Variants in RPS6KA5 observed in about 807,000 individuals in gnomAD.
RPS6KA5 encodes ribosomal protein S6 kinase alpha-5.
Under a neutral mutation model 85.5 loss-of-function variants are expected in RPS6KA5, and 27 were observed. That is an observed-to-expected ratio of 0.32 (90% CI 0.23 to 0.44). The LOEUF (loss-of-function observed/expected upper bound fraction) is 0.44. Ranked by LOEUF, RPS6KA5 falls within the 20% of genes least tolerant of loss-of-function variation. The pLI is 1.00. For missense variants in RPS6KA5, 811 were observed against 980.9 expected (o/e 0.83, Z 2.31); for synonymous variants, 334 against 348.2 (o/e 0.96, Z 0.46).
chr14:90,943,029 T>C (rs1322890997), intron 5 of RPS6KA5, 49 bp downstream of exon 5: 1 of 1,067,506 alleles, frequency 9.4e-7, no homozygotes, highest in Non-Finnish European at 1.5e-6. Context: ...TAAGTTTTCA[T>C]CCTTGTTTAC....
At chr14:90,880,014 T>C (rs2033734860) in intron 14 of RPS6KA5, among the ~76,000 whole-genome samples, 1 of 152,102 alleles carries the variant, frequency 6.6e-6, no homozygotes, top group African/African-American at 2.4e-5. Context: ...TTGGCCAGGC[T>C]GGTCTCAAAC....
intron 3 of RPS6KA5, among the ~76,000 whole-genome samples, chr14:90,951,423 T>C (rs1483595699): frequency 2.0e-5 from 3 of 148,384 alleles, no homozygotes; most frequent in African/African-American, 7.5e-5. Context: ...GAGGTGGAGC[T>C]TGCAGTGAGC....
At chr14:90,897,984 G>A (rs893303015) in intron 12 of RPS6KA5, among the ~76,000 whole-genome samples, 3 of 152,194 alleles carry the variant, frequency 2.0e-5, no homozygotes, top group African/African-American at 7.2e-5. Context: ...GGATCAGGGA[G>A]AGCGGTTCCC....
At position 90,871,383 on chromosome 14, in the gene RPS6KA5, C is replaced by T. The variant is rs180710136; in HGVS notation, c.*691G>A. ...TAATATTCTGCAATAACCATTAAAA[C>T]AAATTGCCAGGAAAGAGCAGTGCAA... On this transcript the variant is annotated 3_prime_UTR_variant, in exon 17 of 17. Transcript: ENST00000614987. The T allele has an allele frequency of 8.5e-5, 13 of 152,472 alleles. No individual in the cohort carries two copies. The highest frequency in any genetic ancestry group is 3.1e-4 in the African/African-American group (13 of 41,498). The allele number at this position is 152,472 out of a possible 1,614,324, so 9.4% of individuals were successfully genotyped here.
chr14:90,882,564 G>A (rs913479251), intron 14 of RPS6KA5, among the ~76,000 whole-genome samples: 1 of 152,130 alleles, frequency 6.6e-6, no homozygotes, highest in Admixed American at 6.6e-5. Flanking sequence ...CGGCGTTAGT[G>A]GTAATGAAGT....
intron 1 of RPS6KA5, among the ~76,000 whole-genome samples, chr14:91,001,495 A>G (rs1396371591): frequency 6.6e-6 from 1 of 152,194 alleles, no homozygotes; most frequent in Non-Finnish European, 1.5e-5. Flanking sequence ...TGGGGAAAAA[A>G]CTGGATGGAT....
At chr14:91,045,647 T>C (rs1566904293) in intron 1 of RPS6KA5, among the ~76,000 whole-genome samples, 1 of 152,224 alleles carries the variant, frequency 6.6e-6, no homozygotes, top group Non-Finnish European at 1.5e-5. Context: ...AACCTTTATA[T>C]TCCATTTGAA....
chr14:90,894,443 A>G lies in RPS6KA5; in HGVS notation c.1614T>C (p.Val538=). The stretch of plus-strand genomic sequence containing the variant: ...GTTTCAGATCCCTGTGCACCACTCC[A>G]ACATCATGCATGTGGCTTACAGCTG... ...LVSAVSHMHD[V]GVVHRDLKPE... Residue 538 remains valine (V), a synonymous_variant, in exon 13 of 17, where the codon GTT becomes GTC. Transcript: ENST00000614987. 1 of 1,614,140 alleles carries G rather than the reference A, an allele frequency of 6.2e-7. No homozygotes were observed. The highest frequency in any genetic ancestry group is 1.7e-5 in the Admixed American group (1 of 60,012).
At chr14:90,934,417 T>C (rs1379359373) in intron 5 of RPS6KA5, among the ~76,000 whole-genome samples, 1 of 152,212 alleles carries the variant, frequency 6.6e-6, no homozygotes. Flanking sequence ...AGGATATCTT[T>C]TGCCCTTATG....
chr14:90,923,998 C>T (rs888190990), intron 5 of RPS6KA5, among the ~76,000 whole-genome samples: 2 of 152,080 alleles, frequency 1.3e-5, no homozygotes, highest in African/African-American at 4.8e-5. Flanking sequence ...TTTCTTCTAC[C>T]TTTTCCAAGT....
At chr14:90,955,642 A>AG (rs1241546442) in intron 3 of RPS6KA5, among the ~76,000 whole-genome samples, 2 of 140,832 alleles carry the variant, frequency 1.4e-5, no homozygotes, top group Non-Finnish European at 2.9e-5. Context: ...TTTAAAATTA[A>AG]TTTCTTTAAA....
At chr14:90,970,970 A>G (rs762782774) in intron 3 of RPS6KA5, among the ~76,000 whole-genome samples, 13 of 152,136 alleles carry the variant, frequency 8.5e-5, no homozygotes, top group Admixed American at 2.6e-4. Flanking sequence ...GGGGTCAACA[A>G]ATTACAGACC....
At chr14:91,046,920 A>T (rs763186281) in intron 1 of RPS6KA5, among the ~76,000 whole-genome samples, 26 of 152,250 alleles carry the variant, frequency 1.7e-4, no homozygotes, top group Non-Finnish European at 3.2e-4. Context: ...TTACGCCTGT[A>T]ATCGCAGCAC....
intron 1 of RPS6KA5, among the ~76,000 whole-genome samples, chr14:91,012,128 A>C (rs2139749470): frequency 6.6e-6 from 1 of 152,322 alleles, no homozygotes; most frequent in East Asian, 1.9e-4. Flanking sequence ...CAATTAAAAC[A>C]AAAAAGAGGG....
At chr14:90,927,747 C>T (rs971710798) in intron 5 of RPS6KA5, among the ~76,000 whole-genome samples, 1 of 151,878 alleles carries the variant, frequency 6.6e-6, no homozygotes, top group African/African-American at 2.4e-5. Context: ...ATGGACAAAT[C>T]CACAATCATC....
chr14:90,953,503 C>A (rs940112060), intron 3 of RPS6KA5, among the ~76,000 whole-genome samples: 17 of 152,076 alleles, frequency 1.1e-4, no homozygotes, highest in Non-Finnish European at 2.4e-4. Context: ...TTTCAAGGAA[C>A]AAGGGAAGAT....
intron 1 of RPS6KA5, among the ~76,000 whole-genome samples, chr14:91,030,611 GAAAAAAAAA>G (rs58737573): frequency 4.7e-3 from 104 of 22,072 alleles, no homozygotes; most frequent in South Asian, 0.022. Flanking sequence ...AAAATAAACA[GAAAAAAAAA>G]AAAAAAAAAA....
intron 3 of RPS6KA5, among the ~76,000 whole-genome samples, chr14:90,956,804 C>T (rs1219264442): frequency 6.6e-6 from 1 of 151,664 alleles, no homozygotes; most frequent in African/African-American, 2.4e-5. Context: ...ATATTCTCTT[C>T]CCCTTTTGTG....
chr14:90,995,404 C>T (rs1435937941), intron 2 of RPS6KA5, among the ~76,000 whole-genome samples: 1 of 152,184 alleles, frequency 6.6e-6, no homozygotes, highest in Non-Finnish European at 1.5e-5. Flanking sequence ...GTTTCCTTCA[C>T]CCGAAGCCAA....
Sources: gnomAD v4.1 joint callset for allele counts (sites outside exome capture counted in the v4.1 genomes callset) on GRCh38, gnomAD v4.1.1 for gene constraint, MANE v1.5 for transcripts, NCBI Gene and HGNC (gene_info 2026-07-23, HGNC 2026-07-21) for gene names.